HP1BP3: variants seen among roughly 807,000 people sequenced by gnomAD.
HP1BP3 encodes heterochromatin protein 1 binding protein 3, also known as heterochromatin protein 1-binding protein 3.
HP1BP3 carries 12 observed loss-of-function variants against 62.5 expected under a neutral mutation model. The observed-to-expected ratio is 0.19, with a 90% CI of 0.12 to 0.31. HP1BP3 has a LOEUF of 0.31. HP1BP3 is among the 10% of genes least tolerant of loss of function. HP1BP3 has a pLI of 1.00. For missense variants in HP1BP3, 502 were observed against 651.8 expected (o/e 0.77, Z 2.50); for synonymous variants, 260 against 237.8 (o/e 1.09, Z -0.86).
intron 10 of HP1BP3, among the ~76,000 whole-genome samples, chr1:20,749,456 T>C (rs545657951): frequency 8.7e-4 from 132 of 152,094 alleles, no homozygotes; most frequent in Non-Finnish European, 1.7e-3. Context: ...CCTCCTGGGT[T>C]CATGCGTTTC....
chr1:20,752,799 G>T (rs925096707), intron 9 of HP1BP3, among the ~76,000 whole-genome samples: 1 of 152,150 alleles, frequency 6.6e-6, no homozygotes, highest in African/African-American at 2.4e-5. Context: ...CTCAACTTTT[G>T]AATGTCTTTA....
chr1:20,748,562 C>T (rs1360885724), intron 10 of HP1BP3, among the ~76,000 whole-genome samples: 5 of 152,086 alleles, frequency 3.3e-5, no homozygotes, highest in African/African-American at 1.2e-4. Context: ...TTGGCTAATA[C>T]GGTGAAACCC....
intron 8 of HP1BP3, among the ~76,000 whole-genome samples, chr1:20,760,178 C>A (rs2056383872): frequency 6.6e-6 from 1 of 152,130 alleles, no homozygotes. Context: ...TGAGCCACCA[C>A]ACCCAGCCCT....
chr1:20,779,801 T>G lies in HP1BP3; in HGVS notation c.196+11A>C, dbSNP rs1431685903. 6.3e-7 allele frequency: 1 copy of G among 1,593,084 alleles called. No individual in the cohort carries two copies. ...TTTGATGTTTTAAGCTGTGTCACCA[T>G]TTTACTTTACCTGGCTTTTCTTCCT... On this transcript the variant is annotated intron_variant, in intron 3 of 12. Transcript: ENST00000438032.
Position 20,749,483 on chromosome 1 carries a change from C to T in HP1BP3, c.1141+240G>A, listed in dbSNP as rs190295875. Among the ~76,000 whole-genome samples, 769 of 151,892 alleles carry T rather than the reference C, an allele frequency of 5.1e-3. 7 individuals are homozygous for T. Among genetic ancestry groups the T allele is most frequent in the African/African-American group, 0.018 (745 of 41,400 alleles). On this transcript the variant is annotated intron_variant, in intron 10 of 12. Transcript: ENST00000438032. ...ATGCGTTTCTCCTGCCTCAGCCTCC[C>T]GAGTAGCTGGGACTACAGATGCACA... is the stretch of plus-strand genomic sequence containing the variant.
Position 20,742,681 on chromosome 1 carries a change from C to T in HP1BP3, c.*2116G>A, listed in dbSNP as rs1394486596. On this transcript the variant is annotated 3_prime_UTR_variant, in exon 13 of 13. Transcript: ENST00000438032. The stretch of plus-strand genomic sequence containing the variant: ...TTAAATATAAGCTACGGTTCAGCAG[C>T]TTTTAAAATTTCATGTTTATTCATA... 1 of 152,546 alleles carries T rather than the reference C, an allele frequency of 6.6e-6. No homozygotes were observed. The highest frequency in any genetic ancestry group is 1.9e-4 in the East Asian group (1 of 5,206). 9.4% of individuals were successfully genotyped at this position (152,546 alleles called of 1,614,324 possible).
At chr1:20,752,296 C>T (rs527973251) in intron 9 of HP1BP3, among the ~76,000 whole-genome samples, 1 of 151,786 alleles carries the variant, frequency 6.6e-6, no homozygotes, top group Non-Finnish European at 1.5e-5. Flanking sequence ...TGCTTTTTCA[C>T]TGTCTTTTTT....
chr1:20,774,394 A>G (rs1426706498), intron 4 of HP1BP3: 1 of 152,112 alleles, frequency 6.6e-6, no homozygotes, highest in Admixed American at 6.6e-5. Flanking sequence ...GATAGTTGCT[A>G]TAAATTCCAC....
At chr1:20,770,197 A>T (rs2056992360) in intron 6 of HP1BP3, among the ~76,000 whole-genome samples, 1 of 152,216 alleles carries the variant, frequency 6.6e-6, no homozygotes, top group Non-Finnish European at 1.5e-5. Flanking sequence ...AACAGGCTTT[A>T]ATAGTTTAGA....
chr1:20,764,043 A>G (rs1366092891), intron 8 of HP1BP3, among the ~76,000 whole-genome samples: 1 of 152,054 alleles, frequency 6.6e-6, no homozygotes, highest in Non-Finnish European at 1.5e-5. Flanking sequence ...CCCAGATGCA[A>G]TTTTTCTTCC....
At position 20,773,507 on chromosome 1, in the gene HP1BP3, G is replaced by T; in HGVS notation, c.454C>A (p.Pro152Thr). The change falls in exon 5 of 13, where the codon CCG becomes ACG. Residue 152 changes from proline to threonine, a missense_variant. Pro to Thr is a conservative substitution (Grantham distance 38, BLOSUM62 -1). Around this residue, in one of 5 missense-constraint regions of HP1BP3, gnomAD observed 25 missense variants for 22.5 expected, o/e 1.11. Transcript: ENST00000438032. Reference protein sequence around the residue: ...SQLARAQKQTPMASSPRPKMD... With the variant: ...SQLARAQKQTTMASSPRPKMD... ...TTGGGACGTGGGGAAGAAGCCATCG[G>T]TGTTTGTTTCTGGGCCCTGGCTAGC... 3 of 1,613,014 alleles carry T rather than the reference G, an allele frequency of 1.9e-6. No homozygotes were observed. Among genetic ancestry groups the T allele is most frequent in the Non-Finnish European group, 2.5e-6 (3 of 1,179,338 alleles).
chr1:20,750,197 G>A (rs185651419), intron 9 of HP1BP3: 4 of 211,588 alleles, frequency 1.9e-5, no homozygotes, highest in Admixed American at 5.4e-5. Flanking sequence ...TAAAAATTAA[G>A]ATTCTTTTGG....
At chr1:20,766,776 C>T (rs1232979414) in intron 7 of HP1BP3, among the ~76,000 whole-genome samples, 1 of 151,828 alleles carries the variant, frequency 6.6e-6, no homozygotes, top group East Asian at 2.0e-4. Context: ...TCCATCTCTA[C>T]TAAAAATACA....
rs1324503336 is a variant in HP1BP3, at chr1:20,747,839, A to G, written c.1142-184T>C. The stretch of plus-strand genomic sequence containing the variant: ...TTACTTATTGCCCATAAGTTTGGCA[A>G]GAGTTAAATTATATACATACATACA... On this transcript the variant is annotated intron_variant, in intron 10 of 12. Coordinates refer to ENST00000438032, the MANE Select transcript of HP1BP3 (RefSeq NM_001372052.1). 2.6e-5 allele frequency among the ~76,000 whole-genome samples: 4 copies of G among 152,242 alleles called. 1 individual carries two copies. The highest frequency in any genetic ancestry group is 9.6e-5 in the African/African-American group (4 of 41,472).
intron 1 of HP1BP3, among the ~76,000 whole-genome samples, chr1:20,783,383 G>C (rs543902281): frequency 6.6e-5 from 10 of 152,138 alleles, no homozygotes; most frequent in Non-Finnish European, 1.2e-4. Flanking sequence ...GCCAGGCGCT[G>C]TGGTGTACAC....
chr1:20,765,598 G>A, intron 7 of HP1BP3, 67 bp from the exon 8 acceptor site: 1 of 1,277,266 alleles, frequency 7.8e-7, no homozygotes, highest in Admixed American at 2.5e-5. Flanking sequence ...CAACTCAAGG[G>A]CTTTCCTCAG....
At position 20,741,563 on chromosome 1, in the gene HP1BP3, T is replaced by C. The variant is rs1340119825; in HGVS notation, c.*3234A>G. On this transcript the variant is annotated 3_prime_UTR_variant, in exon 13 of 13. Coordinates refer to ENST00000438032, the MANE Select transcript of HP1BP3 (RefSeq NM_001372052.1). ...ACCAGGTTTCCTTTAATTAAGTCCATGTGGATGCATAGTCAGAATCCATGT... is the reference window on the plus strand; with the variant it reads ...ACCAGGTTTCCTTTAATTAAGTCCACGTGGATGCATAGTCAGAATCCATGT... 6.6e-6 allele frequency among the ~76,000 whole-genome samples: 1 copy of C among 152,262 alleles called. No homozygotes were observed. Among genetic ancestry groups the C allele is most frequent in the Non-Finnish European group, 1.5e-5 (1 of 68,046 alleles).
At chr1:20,756,908 A>C (rs2056145749) in intron 9 of HP1BP3, among the ~76,000 whole-genome samples, 1 of 152,206 alleles carries the variant, frequency 6.6e-6, no homozygotes, top group East Asian at 1.9e-4. Context: ...TGGAGACGAC[A>C]GGGTTTCACC....
At chr1:20,771,181 C>T (rs1570643721) in intron 5 of HP1BP3, 108 bp from the exon 6 acceptor site, 1 of 873,786 alleles carries the variant, frequency 1.1e-6, no homozygotes, top group Non-Finnish European at 1.8e-6. Flanking sequence ...ATGACAAAAA[C>T]GGTAGGGAAG....
Sources: gnomAD v4.1 joint callset for allele counts (sites outside exome capture counted in the v4.1 genomes callset) on GRCh38, gnomAD v4.1.1 for gene constraint, gnomAD v4.1.1 regional missense constraint, MANE v1.5 for transcripts, NCBI Gene and HGNC (gene_info 2026-07-23, HGNC 2026-07-21) for gene names.